Variants in CDH13 observed in about 807,000 individuals in gnomAD.
CDH13 encodes the protein cadherin 13, also known as cadherin-13.
In CDH13, 24 loss-of-function variants were observed where a neutral mutation model predicts 63.8. That is an observed-to-expected ratio of 0.38 (90% CI 0.27 to 0.53). CDH13 has a LOEUF of 0.53. Among genes scored for constraint, CDH13 ranks in the 20% least tolerant of loss-of-function variants. CDH13 has a pLI of 0.85. For missense variants in CDH13, 1,049 were observed against 903.1 expected (o/e 1.16, Z -2.07); for synonymous variants, 503 against 355.3 (o/e 1.42, Z -4.67).
At chr16:83,349,723 C>A (rs1426815518) in intron 6 of CDH13, among the ~76,000 whole-genome samples, 2 of 152,110 alleles carry the variant, frequency 1.3e-5, no homozygotes, top group Non-Finnish European at 2.9e-5. Flanking sequence ...GCCTCAGCCT[C>A]CCGAGTAGCT....
intron 4 of CDH13, among the ~76,000 whole-genome samples, chr16:83,143,062 C>T (rs1328964386): frequency 6.6e-6 from 1 of 152,178 alleles, no homozygotes; most frequent in Admixed American, 6.5e-5. Context: ...CAAGATCGTG[C>T]CGTTGCGCTC....
chr16:83,645,255 T>A (rs1911682206), intron 8 of CDH13, among the ~76,000 whole-genome samples: 1 of 152,186 alleles, frequency 6.6e-6, no homozygotes, highest in Non-Finnish European at 1.5e-5. Flanking sequence ...GCAACATGGG[T>A]GGAGCTGGAG....
At chr16:83,474,052 C>A (rs190613946) in intron 6 of CDH13, among the ~76,000 whole-genome samples, 2 of 152,286 alleles carry the variant, frequency 1.3e-5, no homozygotes, top group Non-Finnish European at 2.9e-5. Flanking sequence ...CCATACTCAG[C>A]CACTTGCCAG....
intron 2 of CDH13, among the ~76,000 whole-genome samples, chr16:83,002,582 G>A (rs80260714): frequency 3.9e-5 from 6 of 152,210 alleles, no homozygotes; most frequent in Non-Finnish European, 7.3e-5. Flanking sequence ...GTTCATTCTC[G>A]CTTGGTGCAG....
At position 83,531,987 on chromosome 16, in the gene CDH13, C is replaced by T. The variant is rs557051208; in HGVS notation, c.960+45332C>T. 1.6e-4 allele frequency among the ~76,000 whole-genome samples: 25 copies of T among 152,226 alleles called. 1 individual carries two copies. Among genetic ancestry groups the T allele is most frequent in the East Asian group, 7.7e-4 (4 of 5,170 alleles). The stretch of plus-strand genomic sequence containing the variant: ...ATTCCCATGTGTTATGGGAGGCACC[C>T]GGTGGGAGGTAATTGAATCATGGGG... On this transcript the variant is annotated intron_variant, in intron 7 of 13. Transcript: ENST00000567109.
chr16:83,455,825 A>C (rs1248212063), intron 6 of CDH13, among the ~76,000 whole-genome samples: 1 of 152,212 alleles, frequency 6.6e-6, no homozygotes, highest in African/African-American at 2.4e-5. Flanking sequence ...CCCTGTGGAC[A>C]AGTCTCCCTT....
intron 13 of CDH13, among the ~76,000 whole-genome samples, chr16:83,792,873 G>A (rs1446109700): frequency 1.3e-5 from 2 of 152,088 alleles, no homozygotes; most frequent in Admixed American, 1.3e-4. Flanking sequence ...TGCAGCATGG[G>A]GTATAAGTGT....
At chr16:83,701,153 G>A (rs75420840) in intron 10 of CDH13, among the ~76,000 whole-genome samples, 2,516 of 152,204 alleles carry the variant, frequency 0.017, 82 homozygotes, top group African/African-American at 0.058. Flanking sequence ...AGGGCTGGAT[G>A]ATAATTCACT....
intron 5 of CDH13, among the ~76,000 whole-genome samples, chr16:83,228,441 G>T (rs2039906219): frequency 6.6e-6 from 1 of 152,236 alleles, no homozygotes; most frequent in Non-Finnish European, 1.5e-5. Context: ...CACCAGAGAT[G>T]AAGGAAGGGA....
At chr16:82,715,191 A>T (rs1000135185) in intron 1 of CDH13, among the ~76,000 whole-genome samples, 3 of 151,572 alleles carry the variant, frequency 2.0e-5, no homozygotes, top group Admixed American at 6.6e-5. Flanking sequence ...TTAAGCCAGG[A>T]TATGGCCTTT....
Position 83,440,786 on chromosome 16 carries a change from A to G in CDH13, c.782-45691A>G, listed in dbSNP as rs59241056. ...GGCAGCAGATTGAGACTTCATCTCA[A>G]AAAAAAAAAAAAAAAAGCGGGGGAG... On this transcript the variant is annotated intron_variant, in intron 6 of 13. Coordinates refer to ENST00000567109, the MANE Select transcript of CDH13 (RefSeq NM_001257.5). Among the ~76,000 whole-genome samples, 18 of 6,274 alleles carry G rather than the reference A, an allele frequency of 2.9e-3. 1 individual carries two copies. The highest frequency in any genetic ancestry group is 0.033 in the East Asian group (1 of 30). 4.1% of individuals were successfully genotyped at this position (6,274 alleles called of 152,430 possible). A position where few individuals can be genotyped will look rare whatever the true frequency, so the allele number is the denominator to read the frequency against.
chr16:83,361,024 C>T (rs184598270), intron 6 of CDH13, among the ~76,000 whole-genome samples: 79 of 152,320 alleles, frequency 5.2e-4, no homozygotes, highest in South Asian at 2.3e-3. Flanking sequence ...CTGCTTTCCA[C>T]AGTGCCTGAA....
chr16:82,795,178 C>A (rs1027436714), intron 1 of CDH13, among the ~76,000 whole-genome samples: 3 of 152,166 alleles, frequency 2.0e-5, no homozygotes, highest in Admixed American at 6.6e-5. Context: ...GAAGTTTTAG[C>A]TCTGGTCTGA....
intron 7 of CDH13, among the ~76,000 whole-genome samples, chr16:83,590,455 C>T (rs1190992730): frequency 2.0e-5 from 3 of 152,062 alleles, no homozygotes; most frequent in Admixed American, 6.6e-5. Flanking sequence ...CCGGGAAGAA[C>T]GGCCAGGTTG....
chr16:83,119,519 T>A (rs9925631), intron 3 of CDH13, among the ~76,000 whole-genome samples: 1 of 152,020 alleles, frequency 6.6e-6, no homozygotes, highest in South Asian at 2.1e-4. Flanking sequence ...TCTTATTACC[T>A]CCCTCCTTTA....
intron 4 of CDH13, among the ~76,000 whole-genome samples, chr16:83,149,387 C>A (rs993034070): frequency 2.0e-5 from 3 of 152,146 alleles, no homozygotes; most frequent in African/African-American, 7.2e-5. Flanking sequence ...TAACTTTAAA[C>A]TCAAGTATTT....
chr16:83,438,389 G>T (rs2072382455), intron 6 of CDH13, among the ~76,000 whole-genome samples: 1 of 152,226 alleles, frequency 6.6e-6, no homozygotes, highest in Non-Finnish European at 1.5e-5. Flanking sequence ...CCTTCCTGTA[G>T]GTTGATTTAG....
intron 4 of CDH13, among the ~76,000 whole-genome samples, chr16:83,162,314 T>C (rs149252662): frequency 6.6e-6 from 1 of 152,272 alleles, no homozygotes; most frequent in African/African-American, 2.4e-5. Context: ...ACAAAGATGC[T>C]TTCATGATGA....
At chr16:83,074,062 C>G (rs2032645386) in intron 3 of CDH13, among the ~76,000 whole-genome samples, 1 of 152,102 alleles carries the variant, frequency 6.6e-6, no homozygotes, top group Non-Finnish European at 1.5e-5. Context: ...AGTCACCGTA[C>G]TTTACTATTA....
Sources: gnomAD v4.1 joint callset for allele counts (sites outside exome capture counted in the v4.1 genomes callset) on GRCh38, gnomAD v4.1.1 for gene constraint, MANE v1.5 for transcripts, NCBI Gene and HGNC (gene_info 2026-07-23, HGNC 2026-07-21) for gene names.